Variants in STUM observed in about 807,000 individuals in gnomAD.
STUM encodes protein stum homolog.
STUM carries 8 observed loss-of-function variants against 15.3 expected under a neutral mutation model. The ratio of observed to expected loss-of-function variants is 0.52; its 90% confidence interval spans 0.31 to 0.94. STUM has a LOEUF of 0.94. STUM is among the 40% of genes least tolerant of loss of function. The pLI, the probability that STUM is intolerant of heterozygous loss-of-function variation, is 0.05. For synonymous variants in STUM, 78 were observed against 88.7 expected (o/e 0.88, Z 0.68); for missense variants, 142 against 204.9 (o/e 0.69, Z 1.87).
chr1:226,578,405 C>A (rs1023660959), intron 1 of STUM, among the ~76,000 whole-genome samples: 2 of 145,192 alleles, frequency 1.4e-5, no homozygotes, highest in Admixed American at 1.4e-4. Context: ...CTCTTTGTCA[C>A]CCAGGCTGGA....
intron 1 of STUM, among the ~76,000 whole-genome samples, chr1:226,566,466 T>C (rs936015988): frequency 6.6e-6 from 1 of 152,332 alleles, no homozygotes; most frequent in East Asian, 1.9e-4. Flanking sequence ...GCTAAAAACC[T>C]ATGAGTTAAA....
At chr1:226,566,249 A>G (rs1027355600) in intron 1 of STUM, among the ~76,000 whole-genome samples, 1 of 152,242 alleles carries the variant, frequency 6.6e-6, no homozygotes, top group Non-Finnish European at 1.5e-5. Flanking sequence ...TCTTTACAAA[A>G]GACACCAAAA....
At chr1:226,561,489 C>T (rs1218759145) in intron 1 of STUM, among the ~76,000 whole-genome samples, 1 of 152,022 alleles carries the variant, frequency 6.6e-6, no homozygotes, top group Non-Finnish European at 1.5e-5. Context: ...AGTCCTTGGT[C>T]CCCGACCACT....
Position 226,596,846 on chromosome 1 carries a change from G to A in STUM, c.247G>A (p.Asp83Asn), listed in dbSNP as rs374465963. The A allele has an allele frequency of 1.7e-5, 27 of 1,614,084 alleles. No individual in the cohort carries two copies. Among genetic ancestry groups the A allele is most frequent in the African/African-American group, 5.3e-5 (4 of 74,940 alleles). ...AFTVLCGART[D>N]LPDRHVCCVF... ...CACTGTGCTGTGCGGGGCCCGCACC[G>A]ACCTCCCGGACAGGCATGTGTGCTG... The change falls in exon 2 of 4, where the codon GAC (aspartate) becomes AAC (asparagine). Residue 83 changes from aspartate to asparagine, a missense_variant. Physicochemically the swap from Asp to Asn is conservative, Grantham distance 23. This residue lies in a region of STUM where 113 missense variants were observed against 134.4 expected (regional missense o/e 0.84). Coordinates refer to ENST00000366788, the MANE Select transcript of STUM (RefSeq NM_001003665.4).
intron 1 of STUM, among the ~76,000 whole-genome samples, chr1:226,575,317 G>C (rs143621030): frequency 1.7e-4 from 26 of 152,372 alleles, no homozygotes; most frequent in African/African-American, 6.0e-4. Flanking sequence ...TAGTGTGGTG[G>C]GAATGCAGAA....
rs1667648972 is a variant in STUM at position 226,567,932 on chromosome 1, G to A, written c.202+18826G>A. On this transcript the variant is annotated intron_variant, in intron 1 of 3. Coordinates refer to ENST00000366788, the MANE Select transcript of STUM (RefSeq NM_001003665.4). The surrounding 1 kb of genome is among the most constrained non-coding windows in gnomAD (Gnocchi z 4.5). Reference sequence around the variant, plus strand: ...AAATGCGAACAGGGCACCCCGAGGAGGAGGTACCAGACTACCTGTCTGGCT... The same window carrying A: ...AAATGCGAACAGGGCACCCCGAGGAAGAGGTACCAGACTACCTGTCTGGCT... Among the ~76,000 whole-genome samples, 1 of 152,234 alleles carries A rather than the reference G, an allele frequency of 6.6e-6. No homozygotes were observed. Among genetic ancestry groups the A allele is most frequent in the Admixed American group, 6.5e-5 (1 of 15,288 alleles).
intron 1 of STUM, among the ~76,000 whole-genome samples, chr1:226,574,772 G>A (rs1667778752): frequency 1.3e-5 from 2 of 152,178 alleles, no homozygotes; most frequent in African/African-American, 4.8e-5. Context: ...CCGAGGTGGG[G>A]ACGTTACCGT....
At position 226,605,555 on chromosome 1, in the gene STUM, G is replaced by A. The variant is rs1386371116; in HGVS notation, c.*3515G>A. On this transcript the variant is annotated 3_prime_UTR_variant, in exon 4 of 4. Transcript: ENST00000366788. The surrounding 1 kb of genome is among the most constrained non-coding windows in gnomAD (Gnocchi z 4.0). Reference sequence around the variant, plus strand: ...ATACAATCCCACCTGTGTCTGGATTGTGTCACTAAACATGCAACATAAATT... The same window carrying A: ...ATACAATCCCACCTGTGTCTGGATTATGTCACTAAACATGCAACATAAATT... 6.6e-6 allele frequency: 1 copy of A among 152,138 alleles called. No homozygotes were observed. The highest frequency in any genetic ancestry group is 1.5e-5 in the Non-Finnish European group (1 of 68,014). 9.4% of individuals were successfully genotyped at this position (152,138 alleles called of 1,614,324 possible).
At chr1:226,572,018 G>A (rs1472930400) in intron 1 of STUM, among the ~76,000 whole-genome samples, 1 of 152,160 alleles carries the variant, frequency 6.6e-6, no homozygotes, top group Non-Finnish European at 1.5e-5. Flanking sequence ...TTAGAAACCT[G>A]TGTTGTCAGA....
rs149419160 is a variant in STUM, at chr1:226,549,060, C to A, written c.156C>A (p.Pro52=). 345 of 1,581,870 alleles carry A rather than the reference C, an allele frequency of 2.2e-4. 2 individuals are homozygous for A. In the African/African-American group the frequency reaches 4.1e-3, roughly 19 times the overall value. The change falls in exon 1 of 4, where the codon CCC becomes CCA. Residue 52 remains proline (P), a synonymous_variant. Coordinates refer to ENST00000366788, the MANE Select transcript of STUM (RefSeq NM_001003665.4). The surrounding 1 kb of genome is among the most constrained non-coding windows in gnomAD (Gnocchi z 6.8). ...CCGCCATCCCCTACATGCCCTTCCC[C>A]GTGGCCGTCATCTGCCTCTTCCTCA... ...LRAAIPYMPF[P]VAVICLFLNT...
intron 1 of STUM, among the ~76,000 whole-genome samples, chr1:226,568,525 CA>C (rs1667657467): frequency 2.0e-5 from 3 of 152,262 alleles, no homozygotes; most frequent in African/African-American, 7.2e-5. Context: ...CCTCTTCCTT[CA>C]ACACACATTT....
At chr1:226,569,339 C>T (rs1667669990) in intron 1 of STUM, among the ~76,000 whole-genome samples, 1 of 152,190 alleles carries the variant, frequency 6.6e-6, no homozygotes, top group Admixed American at 6.5e-5. Context: ...CCAGCCCTCC[C>T]ATTCCAGCTG....
intron 1 of STUM, among the ~76,000 whole-genome samples, chr1:226,577,276 T>C (rs1275668961): frequency 6.6e-6 from 1 of 152,154 alleles, no homozygotes; most frequent in Non-Finnish European, 1.5e-5. Context: ...TGCTCTCCCT[T>C]CAGGAATTGT....
At chr1:226,586,114 T>C (rs1319838326) in intron 1 of STUM, among the ~76,000 whole-genome samples, 2 of 152,164 alleles carry the variant, frequency 1.3e-5, no homozygotes, top group African/African-American at 4.8e-5. Flanking sequence ...GGAGATGTTC[T>C]GCTATTACCT....
intron 1 of STUM, among the ~76,000 whole-genome samples, chr1:226,573,318 C>A (rs573933982): frequency 6.6e-6 from 1 of 152,292 alleles, no homozygotes; most frequent in African/African-American, 2.4e-5. Flanking sequence ...GCACATAGAG[C>A]TTTTGTAACA....
intron 1 of STUM, among the ~76,000 whole-genome samples, chr1:226,570,609 GC>G (rs1417856160): frequency 6.6e-6 from 1 of 152,186 alleles, no homozygotes; most frequent in Non-Finnish European, 1.5e-5. Flanking sequence ...GCCAGAGCAG[GC>G]TTTTCTTCAA....
intron 1 of STUM, among the ~76,000 whole-genome samples, chr1:226,595,560 C>T (rs1271025720): frequency 6.6e-6 from 1 of 152,198 alleles, no homozygotes; most frequent in Non-Finnish European, 1.5e-5. Flanking sequence ...ATCCATATCC[C>T]CAAACCTGTG....
rs564229194 is a variant in STUM at position 226,567,375 on chromosome 1, C to T, written c.202+18269C>T. On this transcript the variant is annotated intron_variant, in intron 1 of 3. Transcript: ENST00000366788. The surrounding 1 kb of genome is among the most constrained non-coding windows in gnomAD (Gnocchi z 4.5). ...GCTGAACATTTGCAGTGGAAAATAACGGAAAATAGAAACACAACAATATTA... is the reference window on the plus strand; with the variant it reads ...GCTGAACATTTGCAGTGGAAAATAATGGAAAATAGAAACACAACAATATTA... Among the ~76,000 whole-genome samples, 8 of 152,054 alleles carry T rather than the reference C, an allele frequency of 5.3e-5. No individual in the cohort carries two copies. Among genetic ancestry groups the T allele is most frequent in the Admixed American group, 6.6e-5 (1 of 15,260 alleles).
At position 226,572,582 on chromosome 1, in the gene STUM, T is replaced by A. The variant is rs146459716; in HGVS notation, c.202+23476T>A. On this transcript the variant is annotated intron_variant, in intron 1 of 3. Transcript: ENST00000366788. Reference sequence around the variant, plus strand: ...CTAAGAACTCCCAGAGGGCAGGGCCTCCCGGTGGATTAAGCAGGCCAGGGA... The same window carrying A: ...CTAAGAACTCCCAGAGGGCAGGGCCACCCGGTGGATTAAGCAGGCCAGGGA... Among the ~76,000 whole-genome samples, 177 of 152,226 alleles carry A rather than the reference T, an allele frequency of 1.2e-3. 2 individuals are homozygous for A. The East Asian group carries it at 0.032, about 28-fold the overall frequency.
Sources: allele counts gnomAD v4.1 joint callset (sites outside exome capture counted in the v4.1 genomes callset), GRCh38; gene constraint gnomAD v4.1.1; regional missense constraint gnomAD v4.1.1; non-coding constraint Gnocchi (gnomAD v3.1); transcripts MANE v1.5; gene names NCBI Gene and HGNC (gene_info 2026-07-23, HGNC 2026-07-21).